The following SPTLC1 variants were observed in gnomAD, a reference collection of about 807,000 sequenced individuals.
SPTLC1 encodes the protein serine palmitoyltransferase 1.
Under a neutral mutation model 68.9 loss-of-function variants are expected in SPTLC1, and 55 were observed. The observed-to-expected ratio is 0.80, with a 90% CI of 0.64 to 1.00. SPTLC1 has a LOEUF of 1.00. SPTLC1 is among the 50% of genes least tolerant of loss of function. The pLI is 0.00. For synonymous variants in SPTLC1, 197 were observed against 201.6 expected (o/e 0.98, Z 0.19); for missense variants, 449 against 573.1 (o/e 0.78, Z 2.21).
At chr9:92,079,983 AGTAGT>A in intron 5 of SPTLC1, 28 bp downstream of exon 5, 1 of 1,560,534 alleles carries the variant, frequency 6.4e-7, no homozygotes, top group African/African-American at 1.4e-5. Flanking sequence ...TATTGAAAGC[AGTAGT>A]CTCAAAGAGA....
rs546793374 is a variant in SPTLC1, at chr9:92,096,440, T to C, written c.260+12300A>G. 9.8e-5 allele frequency among the ~76,000 whole-genome samples: 15 copies of C among 152,302 alleles called. No homozygotes were observed. The South Asian group carries it at 1.2e-3, about 13-fold the overall frequency. On this transcript the variant is annotated intron_variant, in intron 3 of 14. Transcript: ENST00000262554. ...ATACATCTTGAATATATACAATTTT[T>C]ATTTAGCAATTATACCTCAGTAAAA...
intron 14 of SPTLC1, 86 bp downstream of exon 14, chr9:92,034,724 T>A: frequency 9.6e-7 from 1 of 1,045,906 alleles, no homozygotes. Flanking sequence ...CCTATGATAG[T>A]CTTTCAAAAT....
In SPTLC1 at chr9:92,055,511, G is replaced by C. The variant is rs757565623; in HGVS notation, c.691-17C>G. 6.2e-7 allele frequency: 1 copy of C among 1,611,036 alleles called. No homozygotes were observed. On this transcript the variant is annotated splice_polypyrimidine_tract_variant and intron_variant, in intron 7 of 14. Coordinates refer to ENST00000262554, the MANE Select transcript of SPTLC1 (RefSeq NM_006415.4). ...GCGAGGATTCTTTAAAAGAGAAAAA[G>C]CAGACATCTTACATTTCAGTAACTC...
intron 6 of SPTLC1, among the ~76,000 whole-genome samples, chr9:92,067,549 G>A (rs566471728): frequency 6.6e-6 from 1 of 152,328 alleles, no homozygotes; most frequent in East Asian, 1.9e-4. Context: ...AAGTGTCCAA[G>A]TCACGGCTCC....
intron 6 of SPTLC1, among the ~76,000 whole-genome samples, chr9:92,061,489 G>T (rs1000409421): frequency 6.6e-6 from 1 of 152,112 alleles, no homozygotes; most frequent in Non-Finnish European, 1.5e-5. Context: ...CTACCCTAAA[G>T]AAATGGCCAA....
At chr9:92,049,876 G>GT in intron 9 of SPTLC1, 84 bp downstream of exon 9, 1 of 950,142 alleles carries the variant, frequency 1.1e-6, no homozygotes, top group Non-Finnish European at 1.7e-6. Context: ...ACACTGTCTT[G>GT]TGCCTATAAA....
chr9:92,110,367 A>G (rs561947360), intron 2 of SPTLC1: 17 of 152,330 alleles, frequency 1.1e-4, no homozygotes, highest in African/African-American at 4.1e-4. Flanking sequence ...CTATTCGATT[A>G]GAAATCGTCC....
intron 6 of SPTLC1, among the ~76,000 whole-genome samples, chr9:92,067,045 C>G (rs890222793): frequency 5.3e-5 from 8 of 151,772 alleles, no homozygotes; most frequent in Non-Finnish European, 8.8e-5. Context: ...CGCCTGTAAT[C>G]CTAGCACTTT....
Position 92,079,624 on chromosome 9 carries a change from C to T in SPTLC1, c.427+392G>A. The stretch of plus-strand genomic sequence containing the variant: ...CCCTCCCTCCACCCCAGGCAATCTG[C>T]TCTCCACTTTCTTCCTAGAGCTGTT... On this transcript the variant is annotated intron_variant, in intron 5 of 14. Transcript: ENST00000262554. The T allele has an allele frequency of 2.8e-6, 4 of 1,453,034 alleles. No individual in the cohort carries two copies. The South Asian group carries it at 4.5e-5, about 17-fold the overall frequency. The allele number at this position is 1,453,034 out of a possible 1,614,324, so 90.0% of individuals were successfully genotyped here.
chr9:92,083,836 T>C (rs544564096), intron 3 of SPTLC1, among the ~76,000 whole-genome samples: 49 of 152,314 alleles, frequency 3.2e-4, no homozygotes, highest in African/African-American at 1.2e-3. Context: ...TGGGGAAGTA[T>C]GGCCATTTTC....
intron 5 of SPTLC1, chr9:92,079,410 G>A: frequency 1.3e-6 from 2 of 1,543,758 alleles, no homozygotes; most frequent in Non-Finnish European, 1.7e-6. Context: ...CAGGAGCAAA[G>A]AATATACACT....
intron 9 of SPTLC1, among the ~76,000 whole-genome samples, chr9:92,048,268 T>G (rs538493191): frequency 6.6e-6 from 1 of 152,312 alleles, no homozygotes; most frequent in Admixed American, 6.5e-5. Context: ...TCCTACATCT[T>G]TCTGACCACT....
chr9:92,112,303 T>C, intron 2 of SPTLC1, 152 bp downstream of exon 2: 1 of 625,066 alleles, frequency 1.6e-6, no homozygotes, highest in Non-Finnish European at 2.8e-6. Context: ...TTCCCCATAT[T>C]TTGCCTACCC....
At chr9:92,081,572 T>C (rs1356032334) in intron 3 of SPTLC1, among the ~76,000 whole-genome samples, 1 of 152,220 alleles carries the variant, frequency 6.6e-6, no homozygotes, top group Non-Finnish European at 1.5e-5. Flanking sequence ...AATGGGCTCC[T>C]GAAGGTACTT....
At chr9:92,085,548 G>A (rs1205714375) in intron 3 of SPTLC1, among the ~76,000 whole-genome samples, 60 of 149,286 alleles carry the variant, frequency 4.0e-4, no homozygotes, top group Admixed American at 2.7e-3. Flanking sequence ...GTAGTTGAGC[G>A]GTTTTGAGTG....
chr9:92,096,675 C>T (rs1296029991), intron 3 of SPTLC1, among the ~76,000 whole-genome samples: 2 of 152,098 alleles, frequency 1.3e-5, no homozygotes, highest in African/African-American at 4.8e-5. Flanking sequence ...ACACCATATA[C>T]AAAAATTAAC....
chr9:92,073,841 A>G (rs554831809), intron 5 of SPTLC1, among the ~76,000 whole-genome samples: 4 of 152,344 alleles, frequency 2.6e-5, no homozygotes, highest in African/African-American at 9.6e-5. Flanking sequence ...CCTACCTGCA[A>G]AAACTTCAAG....
intron 3 of SPTLC1, among the ~76,000 whole-genome samples, chr9:92,107,421 C>T (rs909207628): frequency 5.9e-5 from 9 of 152,156 alleles, no homozygotes; most frequent in African/African-American, 1.7e-4. Context: ...GGGTAGGAAA[C>T]GATTCCCTAA....
At chr9:92,114,998 T>C in intron 1 of SPTLC1, 1 of 466,700 alleles carries the variant, frequency 2.1e-6, no homozygotes, top group Non-Finnish European at 3.9e-6. Context: ...CTCCGTTTTA[T>C]CGTCCGTCTA....
Sources: allele counts gnomAD v4.1 joint callset (sites outside exome capture counted in the v4.1 genomes callset), GRCh38; gene constraint gnomAD v4.1.1; transcripts MANE v1.5; gene names NCBI Gene and HGNC (gene_info 2026-07-23, HGNC 2026-07-21).